Variants in CADM2 observed in about 807,000 individuals in gnomAD.
The protein encoded by CADM2 is cell adhesion molecule 2, also known as immunoglobulin superfamily member 4D.
Under a neutral mutation model 49.8 loss-of-function variants are expected in CADM2, and 12 were observed. That is an observed-to-expected ratio of 0.24 (90% CI 0.15 to 0.39). The LOEUF (loss-of-function observed/expected upper bound fraction) is 0.39. Ranked by LOEUF, CADM2 falls within the 10% of genes least tolerant of loss-of-function variation. The pLI is 1.00. For synonymous variants in CADM2, 214 were observed against 175.4 expected, an observed-to-expected ratio of 1.22 and a Z score of -1.74; for missense variants, 378 against 492.3, an observed-to-expected ratio of 0.77 and a Z score of 2.20.
chr3:85,802,002 T>TCC, intron 2 of CADM2, 45 bp from the exon 3 acceptor site: 1 of 1,365,538 alleles, frequency 7.3e-7, no homozygotes, highest in East Asian at 2.8e-5. Flanking sequence ...AGTTAATCAT[T>TCC]TTATGACTTT....
intron 2 of CADM2, among the ~76,000 whole-genome samples, chr3:85,730,963 G>A (rs1303553196): frequency 6.6e-6 from 1 of 152,006 alleles, no homozygotes; most frequent in Non-Finnish European, 1.5e-5. Context: ...TAATTATTCT[G>A]ACTTTGCTTA....
intron 1 of CADM2, among the ~76,000 whole-genome samples, chr3:85,271,511 G>A (rs968978771): frequency 6.6e-5 from 10 of 151,090 alleles, no homozygotes; most frequent in East Asian, 5.8e-4. Flanking sequence ...TATTTTCTTC[G>A]TGTTATAGAA....
intron 8 of CADM2, among the ~76,000 whole-genome samples, chr3:86,052,142 A>G (rs1359512030): frequency 1.3e-5 from 2 of 152,220 alleles, no homozygotes; most frequent in African/African-American, 4.8e-5. Context: ...CTAATTTAGA[A>G]GAATGATTAT....
chr3:85,942,618 AATG>A (rs1264871636), intron 7 of CADM2, among the ~76,000 whole-genome samples: 2 of 151,628 alleles, frequency 1.3e-5, no homozygotes, highest in Non-Finnish European at 2.9e-5. Flanking sequence ...GTTTACTGAG[AATG>A]ATGATTTCCA....
intron 3 of CADM2, among the ~76,000 whole-genome samples, chr3:85,803,335 G>T (rs558817526): frequency 1.8e-4 from 27 of 152,220 alleles, no homozygotes; most frequent in African/African-American, 6.3e-4. Flanking sequence ...AGGGAATACA[G>T]TGTAGTGGAG....
At chr3:85,152,160 T>C (rs1296450367) in intron 1 of CADM2, among the ~76,000 whole-genome samples, 1 of 152,144 alleles carries the variant, frequency 6.6e-6, no homozygotes, top group African/African-American at 2.4e-5. Flanking sequence ...CTTTTCAGCT[T>C]TTTCCTACCA....
intron 2 of CADM2, among the ~76,000 whole-genome samples, chr3:85,795,273 T>C (rs2071555694): frequency 1.3e-5 from 2 of 152,148 alleles, no homozygotes; most frequent in Non-Finnish European, 1.5e-5. Context: ...AAAGATAAAG[T>C]AGCAGCTAAC....
In CADM2 at chr3:85,804,016, T is replaced by C. The variant is rs527709836; in HGVS notation, c.238+1820T>C. Reference sequence around the variant, plus strand: ...ATTTAATTTGCAGTTTCAGTTTTCTTTCCAACAAATGAAGTTCTACTAGTT... The same window carrying C: ...ATTTAATTTGCAGTTTCAGTTTTCTCTCCAACAAATGAAGTTCTACTAGTT... On this transcript the variant is annotated intron_variant, in intron 3 of 9. Transcript: ENST00000383699. 1.1e-4 allele frequency among the ~76,000 whole-genome samples: 16 copies of C among 152,242 alleles called. No homozygotes were observed. The South Asian group carries it at 2.9e-3, about 28-fold the overall frequency.
chr3:85,411,884 C>G (rs73136787), intron 1 of CADM2, among the ~76,000 whole-genome samples: 30,542 of 152,070 alleles, frequency 0.2, 3,884 homozygotes, highest in East Asian at 0.31. Flanking sequence ...TTCACCCAAG[C>G]TGGAGTGATC....
chr3:86,037,986 T>C (rs1407062849), intron 8 of CADM2, among the ~76,000 whole-genome samples: 6 of 152,098 alleles, frequency 3.9e-5, no homozygotes, highest in South Asian at 4.1e-4. Context: ...TCCCTCCATT[T>C]GCCCCCAACC....
chr3:85,478,972 T>C (rs867355843), intron 1 of CADM2, among the ~76,000 whole-genome samples: 1 of 151,836 alleles, frequency 6.6e-6, no homozygotes, highest in African/African-American at 2.4e-5. Flanking sequence ...AGAGACAGGG[T>C]CTCTCTCTAC....
rs551938384 is a variant in CADM2, at chr3:85,252,699, G to A, written c.61+293031G>A. Among the ~76,000 whole-genome samples the A allele has an allele frequency of 3.9e-5, 6 of 152,022 alleles. No individual in the cohort carries two copies. The South Asian group carries it at 1.2e-3, about 32-fold the overall frequency. The stretch of plus-strand genomic sequence containing the variant: ...AACTAGTTAAACATTTAGTCTCAAG[G>A]AGTCTGACTCCAGAGCCCATTTTTC... On this transcript the variant is annotated intron_variant, in intron 1 of 9. Transcript: ENST00000383699.
chr3:85,987,529 A>G (rs551178147), intron 8 of CADM2, among the ~76,000 whole-genome samples: 1 of 149,808 alleles, frequency 6.7e-6, no homozygotes, highest in East Asian at 2.0e-4. Flanking sequence ...AAAGAAAAAA[A>G]GTTCCCCAGT....
At chr3:85,264,382 T>C (rs1020761273) in intron 1 of CADM2, among the ~76,000 whole-genome samples, 1 of 152,152 alleles carries the variant, frequency 6.6e-6, no homozygotes, top group African/African-American at 2.4e-5. Context: ...ACAAATGTTT[T>C]ATGCCACATA....
At chr3:85,516,125 A>C (rs1051872421) in intron 1 of CADM2, among the ~76,000 whole-genome samples, 3 of 152,142 alleles carry the variant, frequency 2.0e-5, no homozygotes, top group African/African-American at 7.2e-5. Context: ...ACAGTCCTCA[A>C]ATGTTTGAGT....
At chr3:85,856,147 A>C (rs1221414144) in intron 3 of CADM2, among the ~76,000 whole-genome samples, 1 of 152,160 alleles carries the variant, frequency 6.6e-6, no homozygotes, top group South Asian at 2.1e-4. Context: ...GTGTAGTTCC[A>C]CTTAGGTAGA....
intron 3 of CADM2, among the ~76,000 whole-genome samples, chr3:85,869,752 G>A (rs1167595774): frequency 1.3e-5 from 2 of 152,076 alleles, no homozygotes; most frequent in Non-Finnish European, 2.9e-5. Flanking sequence ...TCTGCATCCT[G>A]GGTTCACGCC....
intron 1 of CADM2, among the ~76,000 whole-genome samples, chr3:85,158,844 TAATA>T (rs1274308440): frequency 6.6e-6 from 1 of 151,850 alleles, no homozygotes; most frequent in Non-Finnish European, 1.5e-5. Context: ...AGTATAATGA[TAATA>T]AATAAAATAA....
At chr3:85,071,819 G>T (rs1452336693) in intron 1 of CADM2, among the ~76,000 whole-genome samples, 2 of 151,898 alleles carry the variant, frequency 1.3e-5, no homozygotes, top group Non-Finnish European at 2.9e-5. Context: ...TGATTTTTTT[G>T]TGAAAGTTAT....
Sources: gnomAD v4.1 joint callset for allele counts (sites outside exome capture counted in the v4.1 genomes callset) on GRCh38, gnomAD v4.1.1 for gene constraint, MANE v1.5 for transcripts, NCBI Gene and HGNC (gene_info 2026-07-23, HGNC 2026-07-21) for gene names.